The following CMTM8 variants were observed in gnomAD, a reference collection of about 807,000 sequenced individuals.
CMTM8 encodes the protein CKLF-like MARVEL transmembrane domain-containing protein 8.
A neutral mutation model predicts 18.6 loss-of-function variants in CMTM8; 12 were observed. That is an observed-to-expected ratio of 0.65 (90% CI 0.41 to 1.05). CMTM8 has a LOEUF of 1.05. CMTM8 is among the 50% of genes least tolerant of loss of function. CMTM8 has a pLI of 0.00. For missense variants in CMTM8, 217 were observed against 227.2 expected, an observed-to-expected ratio of 0.95 and a Z score of 0.29; for synonymous variants, 87 against 90.6, an observed-to-expected ratio of 0.96 and a Z score of 0.23.
chr3:32,284,646 C>T (rs1025428224), intron 1 of CMTM8, among the ~76,000 whole-genome samples: 3 of 152,192 alleles, frequency 2.0e-5, no homozygotes, highest in Admixed American at 6.5e-5. Context: ...GATCACAGCT[C>T]ACAGAGGGCA....
intron 1 of CMTM8, among the ~76,000 whole-genome samples, chr3:32,334,499 G>A (rs1299873871): frequency 4.6e-5 from 7 of 151,516 alleles, no homozygotes. Context: ...CCAGACACTC[G>A]GGAGGCTGAG....
At chr3:32,349,457 T>C (rs73069456) in intron 1 of CMTM8, among the ~76,000 whole-genome samples, 20,625 of 152,054 alleles carry the variant, frequency 0.14, 1,501 homozygotes, top group Middle Eastern at 0.2. Context: ...AGGCCTTTGT[T>C]TCCACTATAA....
intron 1 of CMTM8, among the ~76,000 whole-genome samples, chr3:32,283,468 A>C (rs1033881780): frequency 2.0e-5 from 3 of 152,216 alleles, no homozygotes; most frequent in Non-Finnish European, 2.9e-5. Context: ...TAATGTGACC[A>C]GCACGTCCCC....
At chr3:32,300,974 A>T (rs1008773386) in intron 1 of CMTM8, among the ~76,000 whole-genome samples, 6 of 149,218 alleles carry the variant, frequency 4.0e-5, no homozygotes, top group African/African-American at 1.2e-4. Context: ...AAAAAAAAAA[A>T]ATCTTTTAAT....
chr3:32,308,173 C>T (rs1454033678), intron 1 of CMTM8, among the ~76,000 whole-genome samples: 1 of 152,192 alleles, frequency 6.6e-6, no homozygotes, highest in South Asian at 2.1e-4. Flanking sequence ...CTACCGACTC[C>T]ATGTCTCTAA....
chr3:32,318,158 G>A (rs555042549), intron 1 of CMTM8, among the ~76,000 whole-genome samples: 5 of 152,044 alleles, frequency 3.3e-5, no homozygotes, highest in South Asian at 2.1e-4. Context: ...GGATGTCAGC[G>A]GGGATTAAGT....
intron 1 of CMTM8, among the ~76,000 whole-genome samples, chr3:32,265,763 A>G (rs969198993): frequency 3.5e-4 from 53 of 152,352 alleles, no homozygotes; most frequent in African/African-American, 1.3e-3. Context: ...AAAAAATGAT[A>G]AAGAGGATAT....
At chr3:32,332,388 G>C (rs542918036) in intron 1 of CMTM8, among the ~76,000 whole-genome samples, 1 of 152,186 alleles carries the variant, frequency 6.6e-6, no homozygotes, top group South Asian at 2.1e-4. Flanking sequence ...AAGAGAGAGG[G>C]GGCTTCTTAG....
intron 2 of CMTM8, among the ~76,000 whole-genome samples, chr3:32,362,899 C>T (rs1696964389): frequency 6.6e-6 from 1 of 152,188 alleles, no homozygotes; most frequent in South Asian, 2.1e-4. Context: ...CCAGGATCCA[C>T]TGAGTCTTCC....
chr3:32,339,605 C>T (rs752377872), intron 1 of CMTM8, among the ~76,000 whole-genome samples: 2 of 152,212 alleles, frequency 1.3e-5, no homozygotes, highest in African/African-American at 4.8e-5. Context: ...TGAAGCCCTT[C>T]GGTTGTGCTT....
At chr3:32,335,811 G>T (rs1696374874) in intron 1 of CMTM8, among the ~76,000 whole-genome samples, 1 of 152,232 alleles carries the variant, frequency 6.6e-6, no homozygotes, top group Admixed American at 6.5e-5. Flanking sequence ...ATGTATGTCT[G>T]CCAGGGCCCT....
chr3:32,363,985 A>G (rs919134651), intron 2 of CMTM8, among the ~76,000 whole-genome samples: 5 of 152,194 alleles, frequency 3.3e-5, no homozygotes, highest in African/African-American at 4.8e-5. Flanking sequence ...TCTGTCAAGC[A>G]TGAGTGTCTC....
intron 1 of CMTM8, 127 bp downstream of exon 1, chr3:32,239,246 C>A: frequency 9.7e-7 from 1 of 1,030,140 alleles, no homozygotes; most frequent in Non-Finnish European, 1.4e-6. Flanking sequence ...TTTTGCTCAG[C>A]CTCGCCTTCT....
chr3:32,307,757 C>T (rs1463512690), intron 1 of CMTM8, among the ~76,000 whole-genome samples: 11 of 152,164 alleles, frequency 7.2e-5, no homozygotes, highest in Admixed American at 6.5e-4. Flanking sequence ...GCTCCCCAGG[C>T]CCCACCCCCA....
At chr3:32,288,548 T>C (rs1702722400) in intron 1 of CMTM8, among the ~76,000 whole-genome samples, 1 of 151,812 alleles carries the variant, frequency 6.6e-6, no homozygotes. Context: ...TCACCCAGGC[T>C]GCAGTGCAGT....
At chr3:32,304,450 C>T (rs1268686628) in intron 1 of CMTM8, among the ~76,000 whole-genome samples, 1 of 152,198 alleles carries the variant, frequency 6.6e-6, no homozygotes, top group African/African-American at 2.4e-5. Context: ...TCCAGCAGAT[C>T]TTTGTAGAAT....
chr3:32,269,195 C>T (rs986644538), intron 1 of CMTM8, among the ~76,000 whole-genome samples: 4 of 152,174 alleles, frequency 2.6e-5, no homozygotes, highest in African/African-American at 9.7e-5. Flanking sequence ...GACTTGTCAG[C>T]TAATCTCCCT....
chr3:32,362,766 C>T (rs1575096771), intron 2 of CMTM8, among the ~76,000 whole-genome samples: 2 of 152,220 alleles, frequency 1.3e-5, no homozygotes, highest in Non-Finnish European at 2.9e-5. Context: ...GAACTGAGCA[C>T]ATGACTTATT....
intron 1 of CMTM8, among the ~76,000 whole-genome samples, chr3:32,311,776 A>G (rs1695824800): frequency 6.6e-6 from 1 of 152,184 alleles, no homozygotes; most frequent in Non-Finnish European, 1.5e-5. Context: ...CACAGATCCC[A>G]CAGGTTGAAG....
Sources: gnomAD v4.1 joint callset for allele counts (sites outside exome capture counted in the v4.1 genomes callset) on GRCh38, gnomAD v4.1.1 for gene constraint, MANE v1.5 for transcripts, NCBI Gene and HGNC (gene_info 2026-07-23, HGNC 2026-07-21) for gene names.